Variants in LHFPL6 observed in about 807,000 individuals in gnomAD.
LHFPL6 encodes LHFPL tetraspan subfamily member 6 protein.
LHFPL6 carries 9 observed loss-of-function variants against 20.6 expected under a neutral mutation model. That is an observed-to-expected ratio of 0.44 (90% confidence interval 0.26 to 0.76). The LOEUF (loss-of-function observed/expected upper bound fraction) is 0.76. Ranked by LOEUF, LHFPL6 falls within the 30% of genes least tolerant of loss-of-function variation. The pLI is 0.20. For missense variants in LHFPL6, 218 were observed against 253.5 expected, an observed-to-expected ratio of 0.86 and a Z score of 0.95; for synonymous variants, 105 against 98.7, an observed-to-expected ratio of 1.06 and a Z score of -0.38.
chr13:39,409,612 C>A (rs758591171), intron 2 of LHFPL6, among the ~76,000 whole-genome samples: 34 of 152,184 alleles, frequency 2.2e-4, no homozygotes, highest in Non-Finnish European at 4.4e-4. Flanking sequence ...CTTATTGATT[C>A]AAATGCCTGC....
At chr13:39,458,821 A>G (rs1315623064) in intron 2 of LHFPL6, among the ~76,000 whole-genome samples, 2 of 152,194 alleles carry the variant, frequency 1.3e-5, no homozygotes, top group Admixed American at 1.3e-4. Flanking sequence ...TTGGATGGGA[A>G]CATGAGACAT....
chr13:39,491,104 C>G (rs1188949736), intron 2 of LHFPL6, among the ~76,000 whole-genome samples: 1 of 152,098 alleles, frequency 6.6e-6, no homozygotes, highest in African/African-American at 2.4e-5. Flanking sequence ...TACTCCAAGA[C>G]TTTATAGTAT....
At chr13:39,596,703 A>T (rs1264433680) in intron 2 of LHFPL6, among the ~76,000 whole-genome samples, 1 of 152,158 alleles carries the variant, frequency 6.6e-6, no homozygotes, top group Non-Finnish European at 1.5e-5. Flanking sequence ...ACCTAAGAAG[A>T]AGTCTCTACA....
intron 2 of LHFPL6, among the ~76,000 whole-genome samples, chr13:39,543,484 A>G (rs1870875011): frequency 6.6e-6 from 1 of 152,212 alleles, no homozygotes; most frequent in South Asian, 2.1e-4. Context: ...GCCGTTTATT[A>G]GTGCATGAAG....
At chr13:39,543,073 T>G (rs1870863574) in intron 2 of LHFPL6, among the ~76,000 whole-genome samples, 1 of 152,186 alleles carries the variant, frequency 6.6e-6, no homozygotes, top group Non-Finnish European at 1.5e-5. Context: ...CTCTATGAAT[T>G]TACCTATTCT....
intron 3 of LHFPL6, among the ~76,000 whole-genome samples, chr13:39,362,164 G>A (rs1447604379): frequency 1.3e-5 from 2 of 152,248 alleles, no homozygotes; most frequent in South Asian, 2.1e-4. Context: ...TGTTGGAGGA[G>A]GGGCCTGGTG....
chr13:39,548,065 T>C (rs904978922), intron 2 of LHFPL6, among the ~76,000 whole-genome samples: 11 of 151,638 alleles, frequency 7.3e-5, no homozygotes, highest in Admixed American at 1.3e-4. Context: ...ATAATTACCA[T>C]GGCAAGATAA....
chr13:39,373,835 C>T (rs1038905470), intron 3 of LHFPL6, among the ~76,000 whole-genome samples: 1 of 152,204 alleles, frequency 6.6e-6, no homozygotes, highest in African/African-American at 2.4e-5. Context: ...TACCCTTTCA[C>T]ACCAGTCAGA....
chr13:39,450,280 T>C (rs1872407466), intron 2 of LHFPL6, among the ~76,000 whole-genome samples: 1 of 152,114 alleles, frequency 6.6e-6, no homozygotes, highest in South Asian at 2.1e-4. Context: ...AAAAGCACAA[T>C]AGTCTGGGGA....
intron 2 of LHFPL6, among the ~76,000 whole-genome samples, chr13:39,457,725 G>A (rs1872603921): frequency 1.3e-5 from 2 of 152,182 alleles, no homozygotes; most frequent in Admixed American, 6.5e-5. Flanking sequence ...TGTATATCTT[G>A]ATAGTGGTAG....
chr13:39,494,557 A>G (rs1869035331), intron 2 of LHFPL6, among the ~76,000 whole-genome samples: 2 of 152,152 alleles, frequency 1.3e-5, no homozygotes, highest in Non-Finnish European at 2.9e-5. Context: ...TCTGAATGTT[A>G]TTTATAAAAT....
intron 2 of LHFPL6, among the ~76,000 whole-genome samples, chr13:39,537,526 T>G (rs1870659220): frequency 6.6e-6 from 1 of 152,200 alleles, no homozygotes; most frequent in Non-Finnish European, 1.5e-5. Flanking sequence ...ATTCAAATTT[T>G]TTAATGGTGA....
At chr13:39,532,467 T>C (rs1159384057) in intron 2 of LHFPL6, among the ~76,000 whole-genome samples, 1 of 152,244 alleles carries the variant, frequency 6.6e-6, no homozygotes, top group Non-Finnish European at 1.5e-5. Flanking sequence ...AATGGTTCCC[T>C]ATTAGAATGT....
In LHFPL6 at chr13:39,574,115, C is replaced by T. The variant is rs150572805; in HGVS notation, c.385+26717G>A. ...AGCTCAGCCAGTAGCCTGCTGCATA[C>T]TCCTGACTTCTCTAAACCTCGGCTT... On this transcript the variant is annotated intron_variant, in intron 2 of 3. Coordinates refer to ENST00000379589, the MANE Select transcript of LHFPL6 (RefSeq NM_005780.3). Among the ~76,000 whole-genome samples the T allele has an allele frequency of 9.2e-5, 14 of 152,324 alleles. 1 individual carries two copies. The East Asian group carries it at 2.7e-3, about 29-fold the overall frequency.
At chr13:39,352,990 A>ATTT (rs1192075960) in intron 3 of LHFPL6, among the ~76,000 whole-genome samples, 1 of 84,272 alleles carries the variant, frequency 1.2e-5, no homozygotes, top group Admixed American at 1.2e-4. Flanking sequence ...TATATATATA[A>ATTT]TTTTTTTTTT....
At position 39,417,365 on chromosome 13, in the gene LHFPL6, C is replaced by T. The variant is rs562599440; in HGVS notation, c.386-38839G>A. On this transcript the variant is annotated intron_variant, in intron 2 of 3. Transcript: ENST00000379589. ...TGCATAATATTAAATGGGGCAGGGG[C>T]GGCCGGAGCAACGCTGTGAGAAGCT... is the stretch of plus-strand genomic sequence containing the variant. 4.6e-5 allele frequency among the ~76,000 whole-genome samples: 7 copies of T among 152,262 alleles called. No individual in the cohort carries two copies. In the East Asian group the frequency reaches 9.7e-4, roughly 21 times the overall value.
At chr13:39,416,696 G>A (rs1871358333) in intron 2 of LHFPL6, among the ~76,000 whole-genome samples, 2 of 152,200 alleles carry the variant, frequency 1.3e-5, no homozygotes, top group Admixed American at 6.5e-5. Context: ...CAGTTTGTGT[G>A]AACATAAATC....
At chr13:39,435,074 A>G (rs568409416) in intron 2 of LHFPL6, among the ~76,000 whole-genome samples, 1,918 of 147,862 alleles carry the variant, frequency 0.013, 33 homozygotes, top group Non-Finnish European at 0.02. Flanking sequence ...AAAAAAAAAA[A>G]AAAAAAAAAA....
At chr13:39,479,871 C>T (rs1868445028) in intron 2 of LHFPL6, among the ~76,000 whole-genome samples, 1 of 152,168 alleles carries the variant, frequency 6.6e-6, no homozygotes, top group African/African-American at 2.4e-5. Context: ...CTGACATGAC[C>T]ATATTCCTAC....
Sources: gnomAD v4.1 joint callset for allele counts (sites outside exome capture counted in the v4.1 genomes callset) on GRCh38, gnomAD v4.1.1 for gene constraint, MANE v1.5 for transcripts, NCBI Gene and HGNC (gene_info 2026-07-23, HGNC 2026-07-21) for gene names.